Variants in ADGRL3 observed in about 807,000 individuals in gnomAD.
ADGRL3 encodes adhesion G protein-coupled receptor L3, also known as calcium-independent alpha-latrotoxin receptor 3.
In ADGRL3, 62 loss-of-function variants were observed where a neutral mutation model predicts 153.5. The observed-to-expected ratio is 0.40, with a 90% confidence interval of 0.33 to 0.50. The LOEUF is 0.50. Ranked by LOEUF, ADGRL3 falls within the 20% of genes least tolerant of loss-of-function variation. The pLI is 0.47. For missense variants in ADGRL3, 1,641 were observed against 1,859.4 expected (o/e 0.88, Z 2.16); for synonymous variants, 710 against 672.5 (o/e 1.06, Z -0.86).
Position 61,340,170 on chromosome 4 carries a change from A to G in ADGRL3, c.-239-42954A>G, listed in dbSNP as rs146705255. Among the ~76,000 whole-genome samples the G allele has an allele frequency of 9.5e-4, 145 of 152,286 alleles. 1 individual carries two copies. Among genetic ancestry groups the G allele is most frequent in the African/African-American group, 3.4e-3 (142 of 41,556 alleles). On this transcript the variant is annotated intron_variant, in intron 1 of 26. Transcript: ENST00000683033. Reference sequence around the variant, plus strand: ...AGACAGGACATGCATCAGAGTCATTATCCCTCAGATTCAAACTAAATTGGA... The same window carrying G: ...AGACAGGACATGCATCAGAGTCATTGTCCCTCAGATTCAAACTAAATTGGA...
chr4:61,497,849 A>C (rs751733932), intron 3 of ADGRL3, among the ~76,000 whole-genome samples: 2 of 152,138 alleles, frequency 1.3e-5, no homozygotes, highest in Non-Finnish European at 2.9e-5. Context: ...AAGCTGAAAT[A>C]GTTATGAGTT....
intron 19 of ADGRL3, among the ~76,000 whole-genome samples, chr4:61,995,008 G>T (rs962012317): frequency 6.6e-6 from 1 of 151,634 alleles, no homozygotes; most frequent in Non-Finnish European, 1.5e-5. Context: ...AACCGCCTGG[G>T]TTTAGGTGAT....
At chr4:61,430,603 T>G (rs1321460942) in intron 2 of ADGRL3, among the ~76,000 whole-genome samples, 2 of 152,184 alleles carry the variant, frequency 1.3e-5, no homozygotes, top group Non-Finnish European at 2.9e-5. Flanking sequence ...ATGTACATTT[T>G]AACATCGGTT....
intron 8 of ADGRL3, among the ~76,000 whole-genome samples, chr4:61,788,927 T>G (rs1412762679): frequency 6.6e-6 from 1 of 152,140 alleles, no homozygotes; most frequent in Non-Finnish European, 1.5e-5. Flanking sequence ...TAAAACCAAT[T>G]ATGGAATCTT....
chr4:62,048,553 G>A (rs959942290), intron 25 of ADGRL3, among the ~76,000 whole-genome samples: 18 of 151,838 alleles, frequency 1.2e-4, no homozygotes, highest in African/African-American at 3.9e-4. Flanking sequence ...GAGCCACCAC[G>A]CCCGGCTATT....
At chr4:61,589,188 C>T (rs75426036) in intron 5 of ADGRL3, among the ~76,000 whole-genome samples, 8,159 of 152,072 alleles carry the variant, frequency 0.054, 673 homozygotes, top group African/African-American at 0.18. Flanking sequence ...TGTGTAAACC[C>T]TCCTGGTGGT....
chr4:61,793,819 A>G (rs2097373269), intron 8 of ADGRL3, among the ~76,000 whole-genome samples: 1 of 152,164 alleles, frequency 6.6e-6, no homozygotes, highest in Non-Finnish European at 1.5e-5. Flanking sequence ...CTTGAGAAAT[A>G]TGACCTCAAC....
At chr4:61,998,781 T>G (rs2099130635) in intron 21 of ADGRL3, among the ~76,000 whole-genome samples, 1 of 152,078 alleles carries the variant, frequency 6.6e-6, no homozygotes, top group Non-Finnish European at 1.5e-5. Flanking sequence ...TTCACCATGT[T>G]GCCCAGGCTG....
intron 1 of ADGRL3, among the ~76,000 whole-genome samples, chr4:61,381,450 T>C (rs904718786): frequency 6.6e-6 from 1 of 151,814 alleles, no homozygotes; most frequent in East Asian, 1.9e-4. Flanking sequence ...CTCTGTTCTC[T>C]AGCAATTCAT....
chr4:61,408,122 G>T (rs2152226592), intron 2 of ADGRL3, among the ~76,000 whole-genome samples: 1 of 152,170 alleles, frequency 6.6e-6, no homozygotes, highest in African/African-American at 2.4e-5. Context: ...AAGGAACCCA[G>T]TACTATTTAT....
intron 5 of ADGRL3, among the ~76,000 whole-genome samples, chr4:61,628,707 G>T (rs1383102438): frequency 6.6e-6 from 1 of 152,080 alleles, no homozygotes; most frequent in Non-Finnish European, 1.5e-5. Context: ...TCTTGTTCAG[G>T]TTTTGAGGGA....
intron 4 of ADGRL3, among the ~76,000 whole-genome samples, chr4:61,521,498 C>A (rs905422103): frequency 4.6e-5 from 7 of 152,052 alleles, no homozygotes; most frequent in Non-Finnish European, 8.8e-5. Flanking sequence ...CAAGGAGTGA[C>A]ACATTTGAAG....
At chr4:61,784,179 A>T (rs1263807844) in intron 8 of ADGRL3, among the ~76,000 whole-genome samples, 1 of 152,144 alleles carries the variant, frequency 6.6e-6, no homozygotes, top group African/African-American at 2.4e-5. Flanking sequence ...GAATTGCTAG[A>T]TGACAGATTA....
At chr4:61,323,841 A>G (rs1433536223) in intron 1 of ADGRL3, among the ~76,000 whole-genome samples, 1 of 152,156 alleles carries the variant, frequency 6.6e-6, no homozygotes, top group Non-Finnish European at 1.5e-5. Context: ...CCATATTTTC[A>G]GGTATCTTTT....
At chr4:61,716,060 T>C (rs892958723) in intron 6 of ADGRL3, among the ~76,000 whole-genome samples, 2 of 152,074 alleles carry the variant, frequency 1.3e-5, no homozygotes, top group African/African-American at 2.4e-5. Flanking sequence ...AGGACTAAAT[T>C]TGCCTGTATT....
At chr4:61,927,750 A>G (rs930699478) in intron 13 of ADGRL3, among the ~76,000 whole-genome samples, 12 of 152,110 alleles carry the variant, frequency 7.9e-5, no homozygotes, top group African/African-American at 2.9e-4. Flanking sequence ...TTGCAGTACA[A>G]TGTGTCCTAT....
At position 61,456,482 on chromosome 4, in the gene ADGRL3, T is replaced by G. The variant is rs145097095; in HGVS notation, c.-173-40639T>G. Among the ~76,000 whole-genome samples, 749 of 126,026 alleles carry G rather than the reference T, an allele frequency of 5.9e-3. 6 individuals are homozygous for G. The highest frequency in any genetic ancestry group is 0.013 in the Middle Eastern group (3 of 240). The allele number at this position is 126,026 out of a possible 152,430, so 82.7% of individuals were successfully genotyped here. A position where few individuals can be genotyped will look rare whatever the true frequency, so the allele number is the denominator to read the frequency against. On this transcript the variant is annotated intron_variant, in intron 2 of 26. Transcript: ENST00000683033. ...ATATATAGATATATCTATATCTATA[T>G]ATATAGATATATCTATATCTATATA...
At chr4:61,553,203 A>G (rs2098748336) in intron 4 of ADGRL3, among the ~76,000 whole-genome samples, 1 of 152,204 alleles carries the variant, frequency 6.6e-6, no homozygotes, top group Non-Finnish European at 1.5e-5. Context: ...GTGCTGTGAA[A>G]TAAGTGAAAC....
intron 1 of ADGRL3, among the ~76,000 whole-genome samples, chr4:61,359,411 C>A (rs1209051109): frequency 6.6e-6 from 1 of 152,064 alleles, no homozygotes; most frequent in Non-Finnish European, 1.5e-5. Flanking sequence ...TAGGATTTAG[C>A]CCCTTGTTGG....
Sources: allele counts gnomAD v4.1 joint callset (sites outside exome capture counted in the v4.1 genomes callset), GRCh38; gene constraint gnomAD v4.1.1; transcripts MANE v1.5; gene names NCBI Gene and HGNC (gene_info 2026-07-23, HGNC 2026-07-21).